The following GNPTG variants were observed in gnomAD, a reference collection of about 807,000 sequenced individuals.
The protein encoded by GNPTG is N-acetylglucosamine-1-phosphotransferase subunit gamma.
GNPTG carries 46 observed loss-of-function variants against 43.8 expected under a neutral mutation model. The observed-to-expected ratio is 1.05, with a 90% CI of 0.83 to 1.34. The LOEUF is 1.34. GNPTG is among the 40% of genes most tolerant of loss of function. GNPTG has a pLI of 0.00. For synonymous variants in GNPTG, 250 were observed against 172.8 expected (o/e 1.45, Z -3.50); for missense variants, 549 against 411.3 (o/e 1.33, Z -2.90).
intron 3 of GNPTG, among the ~76,000 whole-genome samples, chr16:1,356,561 C>T (rs1028584534): frequency 6.6e-6 from 1 of 152,168 alleles, no homozygotes; most frequent in Non-Finnish European, 1.5e-5. Flanking sequence ...GGGTACTGGG[C>T]ACTGCCAGTT....
In GNPTG at chr16:1,362,135, G is replaced by T; in HGVS notation, c.411+4G>T. The T allele has an allele frequency of 6.2e-7, 1 of 1,612,502 alleles. No homozygotes were observed. The highest frequency in any genetic ancestry group is 8.5e-7 in the Non-Finnish European group (1 of 1,179,516). ...TTCCCGGAGCCGGCAGAGCAAGGTGGGGCCTCAGACGGGAGCCCGGGAAGA... is the reference window on the plus strand; with the variant it reads ...TTCCCGGAGCCGGCAGAGCAAGGTGTGGCCTCAGACGGGAGCCCGGGAAGA... On this transcript the variant is annotated splice_donor_region_variant and intron_variant, in intron 6 of 10. Coordinates refer to ENST00000204679, the MANE Select transcript of GNPTG (RefSeq NM_032520.5).
At chr16:1,354,910 G>A (rs976759006) in intron 3 of GNPTG, among the ~76,000 whole-genome samples, 1 of 152,100 alleles carries the variant, frequency 6.6e-6, no homozygotes, top group African/African-American at 2.4e-5. Context: ...CTGTAGGGCC[G>A]GGCGTGGATT....
At position 1,362,285 on chromosome 16, in the gene GNPTG, A is replaced by C; in HGVS notation, c.491A>C (p.Glu164Ala). 6.2e-7 allele frequency: 1 copy of C among 1,613,376 alleles called. No homozygotes were observed. Among genetic ancestry groups the C allele is most frequent in the Non-Finnish European group, 8.5e-7 (1 of 1,179,956 alleles). Residue 164 changes from glutamate (E) to alanine (A), a missense_variant, in exon 7 of 11, where the codon GAG (glutamate) becomes GCG (alanine). By Grantham distance (107) the Glu-to-Ala change is moderately radical (BLOSUM62 -1). Transcript: ENST00000204679. ...ACCTGCGTCTACGCGCTGACGTTCG[A>C]GACCCCCCTCGTCTGCCACCCCCAC... ...PSTCVYALTFETPLVCHPHAL... is the reference protein window; with the variant it reads ...PSTCVYALTFATPLVCHPHAL...
rs778042839 is a variant in GNPTG at position 1,352,110 on chromosome 16, C to G, written c.61C>G (p.Pro21Ala). ...GGTCTCGCTCCCCGTAGGGCCCGCG[C>G]CGGCAGGTGCAGCGAAGATGAAGGT... ...LLGLSAGGPAPAGAAKMKVVE... is the reference protein window; with the variant it reads ...LLGLSAGGPAAAGAAKMKVVE... The change falls in exon 2 of 11, where the codon CCG becomes GCG. Residue 21 changes from proline to alanine, a missense_variant. By Grantham distance (27) the Pro-to-Ala change is conservative. Transcript: ENST00000204679. The G allele has an allele frequency of 1.6e-5, 25 of 1,575,346 alleles. No individual in the cohort carries two copies. The highest frequency in any genetic ancestry group is 1.3e-4 in the South Asian group (11 of 86,198).
At position 1,351,942 on chromosome 16, in the gene GNPTG, CCG is replaced by C. The variant is rs2141632547; in HGVS notation, c.-19_-18del. 1 of 1,278,456 alleles carries C rather than the reference CCG, an allele frequency of 7.8e-7. No individual in the cohort carries two copies. The highest frequency in any genetic ancestry group is 2.7e-5 in the South Asian group (1 of 36,606). The allele number at this position is 1,278,456 out of a possible 1,614,324, so 79.2% of individuals were successfully genotyped here. On this transcript the variant is annotated 5_prime_UTR_variant, in exon 1 of 11. Coordinates refer to ENST00000204679, the MANE Select transcript of GNPTG (RefSeq NM_032520.5). Reference sequence around the variant, plus strand: ...GTCACGTGACCGTCACTTCACGTGACCGCGCGGCGGCCGCTGCGGCGCGATGG... The same window carrying C: ...GTCACGTGACCGTCACTTCACGTGACCGCGGCGGCCGCTGCGGCGCGATGG...
chr16:1,362,304 C>T lies in GNPTG; in HGVS notation c.510C>T (p.His170=), dbSNP rs202240106. Residue 170 remains histidine (H), a synonymous_variant, in exon 7 of 11, where the codon CAC becomes CAT. Transcript: ENST00000204679. ...CGTTCGAGACCCCCCTCGTCTGCCACCCCCACGCCTTGCTAGGTAGGGGTG... is the reference window on the plus strand; with the variant it reads ...CGTTCGAGACCCCCCTCGTCTGCCATCCCCACGCCTTGCTAGGTAGGGGTG... ...ALTFETPLVC[H]PHALLVYPTL... is the part of the protein sequence containing the mutation. 5.9e-5 allele frequency: 95 copies of T among 1,612,970 alleles called. No homozygotes were observed. Among genetic ancestry groups the T allele is most frequent in the Non-Finnish European group, 7.9e-5 (93 of 1,179,910 alleles).
In GNPTG at chr16:1,363,145, G is replaced by A; in HGVS notation, c.*54G>A. The A allele has an allele frequency of 6.5e-7, 1 of 1,529,284 alleles. No homozygotes were observed. Among genetic ancestry groups the A allele is most frequent in the Non-Finnish European group, 9.0e-7 (1 of 1,112,728 alleles). The allele number at this position is 1,529,284 out of a possible 1,614,324, so 94.7% of individuals were successfully genotyped here. Reference sequence around the variant, plus strand: ...CGGCCGAGAGCCCTACAGAGAAGCTGGCTGGTAGGACCCGCAGGGACCAGC... The same window carrying A: ...CGGCCGAGAGCCCTACAGAGAAGCTAGCTGGTAGGACCCGCAGGGACCAGC... On this transcript the variant is annotated 3_prime_UTR_variant, in exon 11 of 11. Transcript: ENST00000204679.
Position 1,363,206 on chromosome 16 carries a change from A to C in GNPTG, c.*115A>C. The C allele has an allele frequency of 2.3e-6, 2 of 863,210 alleles. No individual in the cohort carries two copies. The highest frequency in any genetic ancestry group is 3.8e-6 in the Non-Finnish European group (2 of 530,190). 53.5% of individuals were successfully genotyped at this position (863,210 alleles called of 1,614,324 possible). A position where few individuals can be genotyped will look rare whatever the true frequency, so the allele number is the denominator to read the frequency against. On this transcript the variant is annotated 3_prime_UTR_variant, in exon 11 of 11. Transcript: ENST00000204679. ...TGTGCTCAGAGAAGCAGACAAAACA[A>C]AGATTCAAGGTTTTAATTAATTCCC...
chr16:1,355,448 G>A (rs2034759798), intron 3 of GNPTG, among the ~76,000 whole-genome samples: 2 of 152,148 alleles, frequency 1.3e-5, no homozygotes, highest in Admixed American at 6.5e-5. Context: ...GAGAAGGAAG[G>A]GGTGGGCTTG....
intron 3 of GNPTG, 58 bp from the exon 4 acceptor site, chr16:1,361,685 G>A (rs1193320580): frequency 1.1e-5 from 18 of 1,583,772 alleles, no homozygotes; most frequent in Non-Finnish European, 1.4e-5. Context: ...GACTCTGCCA[G>A]TCTTTGCAGA....
intron 3 of GNPTG, among the ~76,000 whole-genome samples, chr16:1,356,592 C>T (rs1348270081): frequency 1.3e-5 from 2 of 152,176 alleles, no homozygotes; most frequent in Non-Finnish European, 2.9e-5. Flanking sequence ...GGTACCATCC[C>T]CTGCGGGAGG....
At chr16:1,356,457 T>C (rs917135940) in intron 3 of GNPTG, among the ~76,000 whole-genome samples, 5 of 152,132 alleles carry the variant, frequency 3.3e-5, no homozygotes, top group Non-Finnish European at 1.5e-5. Context: ...AGCCCCCACC[T>C]GTCTCAGGAG....
chr16:1,359,373 A>G (rs2034832262), intron 3 of GNPTG, among the ~76,000 whole-genome samples: 1 of 152,118 alleles, frequency 6.6e-6, no homozygotes, highest in Non-Finnish European at 1.5e-5. Context: ...GGCTCAAGGA[A>G]TTCTCCTGCC....
intron 3 of GNPTG, 66 bp from the exon 4 acceptor site, chr16:1,361,677 C>T: frequency 1.3e-6 from 2 of 1,552,896 alleles, no homozygotes; most frequent in Non-Finnish European, 1.8e-6. Context: ...TGAAAACAGA[C>T]TCTGCCAGTC....
chr16:1,355,663 T>C (rs742461), intron 3 of GNPTG, among the ~76,000 whole-genome samples: 132,472 of 151,862 alleles, frequency 0.87, 58,012 homozygotes, highest in East Asian at 1. Context: ...GAGTCCAGCA[T>C]AGCCCAGCAC....
At chr16:1,362,001 C>G (rs772946278) in intron 5 of GNPTG, 37 bp from the exon 6 acceptor site, 3 of 1,612,874 alleles carry the variant, frequency 1.9e-6, no homozygotes. Context: ...GCGCAGCTCC[C>G]CACCCGGCCT....
chr16:1,361,731 G>A lies in GNPTG; in HGVS notation c.179-12G>A, dbSNP rs774546219. ...GCTTGGACCCTGGGGATCAGTGTGA[G>A]GTCTCTTCCAGGACCCGTGCATCTC... On this transcript the variant is annotated splice_polypyrimidine_tract_variant and intron_variant, in intron 3 of 10. Coordinates refer to ENST00000204679, the MANE Select transcript of GNPTG (RefSeq NM_032520.5). 1.2e-6 allele frequency: 2 copies of A among 1,614,126 alleles called. No individual in the cohort carries two copies. The highest frequency in any genetic ancestry group is 3.3e-5 in the Admixed American group (2 of 60,016).
chr16:1,360,419 T>C (rs1268210215), intron 3 of GNPTG, among the ~76,000 whole-genome samples: 1 of 152,172 alleles, frequency 6.6e-6, no homozygotes, highest in East Asian at 1.9e-4. Flanking sequence ...AGGTCCACAG[T>C]TGCAGACCAG....
chr16:1,362,722 AC>A lies in GNPTG; in HGVS notation c.724del (p.Leu242TrpfsTer18). 1 of 1,613,944 alleles carries A rather than the reference AC, an allele frequency of 6.2e-7. No homozygotes were observed. Among genetic ancestry groups the A allele is most frequent in the South Asian group, 1.1e-5 (1 of 91,084 alleles). On this transcript the variant is annotated frameshift_variant, in exon 9 of 11. Transcript: ENST00000204679. LOFTEE classifies it high-confidence loss of function. ...AGGTCCTGACAGCTTGGGGTTTGAG[AC>A]CCTGGAAAACTGCAGGAAGGTACCG... ...EGGPDSLGFE[T>X]LENCRKAHKE...
Sources: gnomAD v4.1 joint callset for allele counts (sites outside exome capture counted in the v4.1 genomes callset) on GRCh38, gnomAD v4.1.1 for gene constraint, MANE v1.5 for transcripts, NCBI Gene and HGNC (gene_info 2026-07-23, HGNC 2026-07-21) for gene names.